Variants in ENOX1 observed in about 807,000 individuals in gnomAD.
ENOX1 encodes ecto-NOX disulfide-thiol exchanger 1.
Under a neutral mutation model 82.5 loss-of-function variants are expected in ENOX1, and 42 were observed. That is an observed-to-expected ratio of 0.51 (90% confidence interval 0.40 to 0.66). The LOEUF (loss-of-function observed/expected upper bound fraction) is 0.66, where lower values mean the gene tolerates loss of function less well. Ranked by LOEUF, ENOX1 falls within the 30% of genes least tolerant of loss-of-function variation. The pLI is 0.00. For synonymous variants in ENOX1, 271 were observed against 282.2 expected, an observed-to-expected ratio of 0.96 and a Z score of 0.40; for missense variants, 608 against 811.6, an observed-to-expected ratio of 0.75 and a Z score of 3.05.
chr13:43,374,184 TCCTC>T (rs1469414774), intron 5 of ENOX1, among the ~76,000 whole-genome samples: 2 of 150,438 alleles, frequency 1.3e-5, no homozygotes, highest in Non-Finnish European at 3.0e-5. Context: ...TTTCCTTCCT[TCCTC>T]CCTCCCTCCC....
intron 14 of ENOX1, among the ~76,000 whole-genome samples, chr13:43,259,964 G>A (rs9567138): frequency 0.045 from 6,866 of 152,206 alleles, 202 homozygotes; most frequent in East Asian, 0.13. Flanking sequence ...CCATTCTTTC[G>A]TACAGGTTGT....
At chr13:43,407,147 T>C (rs1220767974) in intron 5 of ENOX1, among the ~76,000 whole-genome samples, 1 of 152,156 alleles carries the variant, frequency 6.6e-6, no homozygotes, top group Non-Finnish European at 1.5e-5. Flanking sequence ...AGCTTGGGAT[T>C]TGATATTCTA....
chr13:43,651,688 C>G (rs1249435951), intron 2 of ENOX1, among the ~76,000 whole-genome samples: 2 of 55,964 alleles, frequency 3.6e-5, no homozygotes, highest in Admixed American at 2.4e-4. Flanking sequence ...CATAGCGAGA[C>G]TCTGTCTAAA....
chr13:43,455,994 C>T (rs1322547561), intron 3 of ENOX1, among the ~76,000 whole-genome samples: 2 of 152,084 alleles, frequency 1.3e-5, no homozygotes, highest in Non-Finnish European at 2.9e-5. Context: ...AGTGTGAAAA[C>T]GTTTGGACTA....
At chr13:43,482,666 A>G (rs1004444409) in intron 3 of ENOX1, among the ~76,000 whole-genome samples, 1 of 147,922 alleles carries the variant, frequency 6.8e-6, no homozygotes, top group Non-Finnish European at 1.5e-5. Context: ...AAAAAAAACT[A>G]AGAAAAAAAG....
intron 14 of ENOX1, among the ~76,000 whole-genome samples, chr13:43,243,942 G>C (rs2042960573): frequency 6.6e-6 from 1 of 151,730 alleles, no homozygotes; most frequent in African/African-American, 2.4e-5. Context: ...TCTGTTTCAG[G>C]CCACTTGCAA....
rs545129068 is a variant in ENOX1 at position 43,475,931 on chromosome 13, G to A, written c.-75+8078C>T. On this transcript the variant is annotated intron_variant, in intron 3 of 16. Coordinates refer to ENST00000690772, the MANE Select transcript of ENOX1 (RefSeq NM_001347969.2). Reference sequence around the variant, plus strand: ...ACACTTTTTTAGAGCCCTAAATAAGGTGGGAACCTTAAACACAGACCTTAA... The same window carrying A: ...ACACTTTTTTAGAGCCCTAAATAAGATGGGAACCTTAAACACAGACCTTAA... Among the ~76,000 whole-genome samples, 3 of 152,048 alleles carry A rather than the reference G, an allele frequency of 2.0e-5. No individual in the cohort carries two copies. In the South Asian group the frequency reaches 6.2e-4, roughly 32 times the overall value.
rs982053815 is a variant in ENOX1 at position 43,227,353 on chromosome 13, C to A, written c.1715-3215G>T. Among the ~76,000 whole-genome samples the A allele has an allele frequency of 3.3e-5, 5 of 152,272 alleles. No individual in the cohort carries two copies. The East Asian group carries it at 9.6e-4, about 29-fold the overall frequency. ...GTCTTTGTGTGTTCTGGTTCCATAT[C>A]CAGAACATAGTACACATTCATAAGA... On this transcript the variant is annotated intron_variant, in intron 15 of 16. Coordinates refer to ENST00000690772, the MANE Select transcript of ENOX1 (RefSeq NM_001347969.2).
intron 3 of ENOX1, among the ~76,000 whole-genome samples, chr13:43,425,243 C>T (rs2055225225): frequency 6.6e-6 from 1 of 152,070 alleles, no homozygotes. Context: ...TCAGCAGGCC[C>T]TCATAACCCA....
At chr13:43,639,960 T>C (rs34978818) in intron 2 of ENOX1, among the ~76,000 whole-genome samples, 43,054 of 151,922 alleles carry the variant, frequency 0.28, 6,297 homozygotes, top group Non-Finnish European at 0.32. Flanking sequence ...ACCCAGGAGG[T>C]AGATGTTGCA....
intron 8 of ENOX1, among the ~76,000 whole-genome samples, chr13:43,354,095 T>C (rs1293996816): frequency 2.6e-5 from 4 of 152,228 alleles, no homozygotes; most frequent in African/African-American, 9.6e-5. Context: ...ACAGTTAGTC[T>C]GTGTAGATCA....
intron 3 of ENOX1, among the ~76,000 whole-genome samples, chr13:43,447,509 C>G (rs1050196322): frequency 1.3e-5 from 2 of 152,006 alleles, no homozygotes; most frequent in Non-Finnish European, 2.9e-5. Context: ...GCAAGATAGT[C>G]TGTGCCCTGA....
At chr13:43,558,634 AC>A (rs1270980262) in intron 2 of ENOX1, among the ~76,000 whole-genome samples, 3 of 152,186 alleles carry the variant, frequency 2.0e-5, no homozygotes, top group African/African-American at 7.2e-5. Flanking sequence ...AGACACTTCT[AC>A]ATTTCAACAT....
chr13:43,473,194 T>C (rs1198095357), intron 3 of ENOX1, among the ~76,000 whole-genome samples: 1 of 152,222 alleles, frequency 6.6e-6, no homozygotes, highest in Non-Finnish European at 1.5e-5. Context: ...GAACATTGTT[T>C]CATCCTACTA....
intron 2 of ENOX1, among the ~76,000 whole-genome samples, chr13:43,581,521 T>C (rs551699003): frequency 3.9e-5 from 6 of 152,158 alleles, no homozygotes; most frequent in Non-Finnish European, 8.8e-5. Context: ...TTCTTACATA[T>C]ACAATTAAAA....
intron 1 of ENOX1, among the ~76,000 whole-genome samples, chr13:43,742,220 T>C (rs1488060024): frequency 6.6e-6 from 1 of 151,984 alleles, no homozygotes; most frequent in Non-Finnish European, 1.5e-5. Context: ...TTGGCACACA[T>C]ATTATTGAGG....
intron 9 of ENOX1, among the ~76,000 whole-genome samples, chr13:43,326,966 G>A (rs2048149485): frequency 6.6e-6 from 1 of 152,136 alleles, no homozygotes; most frequent in South Asian, 2.1e-4. Flanking sequence ...TTTCTCTTTT[G>A]GTCTTTATCT....
intron 2 of ENOX1, among the ~76,000 whole-genome samples, chr13:43,641,293 C>T (rs2083637575): frequency 6.6e-6 from 1 of 151,882 alleles, no homozygotes; most frequent in Admixed American, 6.6e-5. Context: ...CAAGAAAGCC[C>T]AAAGCAGGTA....
At position 43,373,805 on chromosome 13, in the gene ENOX1, C is replaced by T. The variant is rs187808469; in HGVS notation, c.209-12353G>A. Among the ~76,000 whole-genome samples, 99 of 152,238 alleles carry T rather than the reference C, an allele frequency of 6.5e-4. 2 individuals are homozygous for T. Among genetic ancestry groups the T allele is most frequent in the African/African-American group, 2.1e-3 (89 of 41,548 alleles). On this transcript the variant is annotated intron_variant, in intron 5 of 16. Coordinates refer to ENST00000690772, the MANE Select transcript of ENOX1 (RefSeq NM_001347969.2). ...ACAACATCCTGAGTAATTCCAGGGG[C>T]GAATTTTTCAGAGGGAATAATTTAA...
Sources: allele counts gnomAD v4.1 joint callset (sites outside exome capture counted in the v4.1 genomes callset), GRCh38; gene constraint gnomAD v4.1.1; transcripts MANE v1.5; gene names NCBI Gene and HGNC (gene_info 2026-07-23, HGNC 2026-07-21).